The following GALNT17 variants were observed in gnomAD, a reference collection of about 807,000 sequenced individuals.
GALNT17 encodes the protein polypeptide N-acetylgalactosaminyltransferase 17.
GALNT17 carries 29 observed loss-of-function variants against 63.7 expected under a neutral mutation model. The ratio of observed to expected loss-of-function variants is 0.46; its 90% confidence interval spans 0.34 to 0.62. The LOEUF (loss-of-function observed/expected upper bound fraction) is 0.62, where lower values mean the gene tolerates loss of function less well. Among genes scored for constraint, GALNT17 ranks in the 20% least tolerant of loss-of-function variants. GALNT17 has a pLI of 0.01. For missense variants in GALNT17, 603 were observed against 799.6 expected (o/e 0.75, Z 2.97); for synonymous variants, 305 against 318.3 (o/e 0.96, Z 0.45).
chr7:71,504,717 C>T (rs147487116), intron 5 of GALNT17, among the ~76,000 whole-genome samples: 6 of 152,126 alleles, frequency 3.9e-5, no homozygotes, highest in Admixed American at 1.3e-4. Context: ...GTCAAATTTG[C>T]TGTCTGGTAT....
chr7:71,698,246 TGACA>T (rs1479108588), intron 9 of GALNT17, among the ~76,000 whole-genome samples: 2 of 152,058 alleles, frequency 1.3e-5, no homozygotes, highest in Admixed American at 6.6e-5. Flanking sequence ...GTCTGTCCTA[TGACA>T]GACAGTCACC....
rs143454261 is a variant in GALNT17 at position 71,212,731 on chromosome 7, G to A, written c.238+79691G>A. Among the ~76,000 whole-genome samples, 268 of 152,274 alleles carry A rather than the reference G, an allele frequency of 1.8e-3. 1 individual carries two copies. Among genetic ancestry groups the A allele is most frequent in the African/African-American group, 6.2e-3 (257 of 41,558 alleles). On this transcript the variant is annotated intron_variant, in intron 1 of 10. Transcript: ENST00000333538. The stretch of plus-strand genomic sequence containing the variant: ...GTGAGACCTGGAGTCAAAGGAGAGA[G>A]ATCATTTGGAGCTTTAAAATTGGAC...
At chr7:71,607,405 T>G (rs961415206) in intron 6 of GALNT17, among the ~76,000 whole-genome samples, 61 of 151,842 alleles carry the variant, frequency 4.0e-4, no homozygotes, top group Non-Finnish European at 1.3e-4. Context: ...GTCGTAAGAG[T>G]TTAAAGGTGG....
intron 2 of GALNT17, among the ~76,000 whole-genome samples, chr7:71,336,658 A>G (rs775975032): frequency 9.8e-5 from 15 of 152,294 alleles, no homozygotes; most frequent in Non-Finnish European, 2.9e-5. Flanking sequence ...GTTGCCGCAA[A>G]GGACATGATG....
intron 6 of GALNT17, among the ~76,000 whole-genome samples, chr7:71,577,153 C>A (rs1789552535): frequency 6.6e-6 from 1 of 152,140 alleles, no homozygotes; most frequent in African/African-American, 2.4e-5. Flanking sequence ...TACGTGGGAA[C>A]TAAACATTGG....
In GALNT17 at chr7:71,251,308, C is replaced by T. The variant is rs903622143; in HGVS notation, c.239-84242C>T. On this transcript the variant is annotated intron_variant, in intron 1 of 10. Coordinates refer to ENST00000333538, the MANE Select transcript of GALNT17 (RefSeq NM_022479.3). The stretch of plus-strand genomic sequence containing the variant: ...TGAAAATATTACAGATACTTGCCTT[C>T]TATTTCTGTATGGTTCATTTTAAAA... Among the ~76,000 whole-genome samples the T allele has an allele frequency of 2.0e-5, 3 of 152,268 alleles. No individual in the cohort carries two copies. In the South Asian group the frequency reaches 6.2e-4, roughly 32 times the overall value.
chr7:71,222,599 T>G (rs978947747), intron 1 of GALNT17, among the ~76,000 whole-genome samples: 2 of 152,282 alleles, frequency 1.3e-5, no homozygotes, highest in East Asian at 1.9e-4. Context: ...GCACCTGACC[T>G]TCTTACTTTT....
chr7:71,411,794 A>G (rs780829919), intron 3 of GALNT17, among the ~76,000 whole-genome samples: 2 of 152,056 alleles, frequency 1.3e-5, no homozygotes, highest in African/African-American at 4.8e-5. Context: ...CTCAGCTTGC[A>G]TTTTCTCTAA....
intron 5 of GALNT17, among the ~76,000 whole-genome samples, chr7:71,534,184 G>T (rs1343457083): frequency 6.6e-6 from 1 of 152,146 alleles, no homozygotes; most frequent in South Asian, 2.1e-4. Flanking sequence ...CCGCAGTTCA[G>T]CATGGCTGGG....
intron 6 of GALNT17, among the ~76,000 whole-genome samples, chr7:71,634,351 C>G (rs1002494975): frequency 6.6e-6 from 1 of 152,182 alleles, no homozygotes; most frequent in African/African-American, 2.4e-5. Flanking sequence ...GAGTGACCAT[C>G]GCCTGGGACA....
chr7:71,566,938 A>G (rs1038683875), intron 5 of GALNT17, among the ~76,000 whole-genome samples: 1 of 151,522 alleles, frequency 6.6e-6, no homozygotes, highest in South Asian at 2.1e-4. Flanking sequence ...CTGCTCAATC[A>G]TCCGTGTGCA....
intron 6 of GALNT17, among the ~76,000 whole-genome samples, chr7:71,629,888 C>A (rs1465845032): frequency 6.6e-6 from 1 of 152,092 alleles, no homozygotes; most frequent in Non-Finnish European, 1.5e-5. Flanking sequence ...TCCCAAAGGG[C>A]TGGGATTATT....
intron 6 of GALNT17, among the ~76,000 whole-genome samples, chr7:71,575,421 G>A (rs1031322895): frequency 2.0e-5 from 3 of 147,746 alleles, no homozygotes; most frequent in Admixed American, 6.8e-5. Context: ...ACAGAGTCTC[G>A]CTCTGTCGCT....
intron 9 of GALNT17, among the ~76,000 whole-genome samples, chr7:71,701,299 C>T (rs1251102474): frequency 6.6e-6 from 1 of 152,036 alleles, no homozygotes; most frequent in Non-Finnish European, 1.5e-5. Context: ...CCAGCCTGGC[C>T]AACCTGGTGA....
chr7:71,244,952 GA>G (rs879624006), intron 1 of GALNT17, among the ~76,000 whole-genome samples: 2,653 of 142,786 alleles, frequency 0.019, 82 homozygotes, highest in African/African-American at 0.062. Context: ...CCTATCTCCA[GA>G]AAAAAAAAAA....
At chr7:71,358,421 T>G (rs2116217274) in intron 2 of GALNT17, among the ~76,000 whole-genome samples, 1 of 152,262 alleles carries the variant, frequency 6.6e-6, no homozygotes, top group East Asian at 1.9e-4. Flanking sequence ...AATAAAGTTG[T>G]TTGTTACAGA....
intron 6 of GALNT17, among the ~76,000 whole-genome samples, chr7:71,597,939 C>T (rs1033728122): frequency 6.6e-6 from 1 of 151,290 alleles, no homozygotes; most frequent in Non-Finnish European, 1.5e-5. Flanking sequence ...TAACACGGTA[C>T]TTTCATTTCC....
intron 1 of GALNT17, among the ~76,000 whole-genome samples, chr7:71,320,292 A>T (rs77747927): frequency 0.074 from 11,270 of 152,040 alleles, 990 homozygotes; most frequent in African/African-American, 0.21. Context: ...GCTAGAGTGC[A>T]GTGGCACAAT....
intron 5 of GALNT17, among the ~76,000 whole-genome samples, chr7:71,439,850 T>G (rs1262864129): frequency 6.6e-6 from 1 of 151,948 alleles, no homozygotes; most frequent in Non-Finnish European, 1.5e-5. Context: ...TAGACTATAG[T>G]GAGGGGTGGA....
Sources: gnomAD v4.1 joint callset for allele counts (sites outside exome capture counted in the v4.1 genomes callset) on GRCh38, gnomAD v4.1.1 for gene constraint, MANE v1.5 for transcripts, NCBI Gene and HGNC (gene_info 2026-07-23, HGNC 2026-07-21) for gene names.